The following HIVEP3 variants were observed in gnomAD, a reference collection of about 807,000 sequenced individuals.
The protein encoded by HIVEP3 is transcription factor HIVEP3.
Under a neutral mutation model 152.8 loss-of-function variants are expected in HIVEP3, and 49 were observed. The ratio of observed to expected loss-of-function variants is 0.32; its 90% CI spans 0.26 to 0.41. HIVEP3 has a LOEUF of 0.41. Ranked by LOEUF, HIVEP3 falls within the 10% of genes least tolerant of loss-of-function variation. The pLI is 1.00. For synonymous variants in HIVEP3, 1,269 were observed against 1,289.0 expected (o/e 0.98, Z 0.33); for missense variants, 2,790 against 3,103.3 (o/e 0.90, Z 2.40).
intron 1 of HIVEP3, among the ~76,000 whole-genome samples, chr1:41,799,776 AT>A (rs1386018672): frequency 1.3e-5 from 2 of 152,090 alleles, no homozygotes; most frequent in Non-Finnish European, 2.9e-5. Flanking sequence ...CAAAAAATGC[AT>A]GTTAAAAATG....
intron 1 of HIVEP3, among the ~76,000 whole-genome samples, chr1:42,002,176 C>T (rs1032095594): frequency 2.0e-5 from 3 of 152,152 alleles, no homozygotes; most frequent in East Asian, 1.9e-4. Flanking sequence ...GACAATGACT[C>T]GCTGACGCAG....
chr1:41,977,034 T>C (rs1359309223), intron 1 of HIVEP3, among the ~76,000 whole-genome samples: 1 of 152,076 alleles, frequency 6.6e-6, no homozygotes, highest in Non-Finnish European at 1.5e-5. Context: ...ACTCAACATA[T>C]CTCTAATGTT....
chr1:41,516,771 T>G (rs1329704261), intron 7 of HIVEP3, among the ~76,000 whole-genome samples: 1 of 152,214 alleles, frequency 6.6e-6, no homozygotes. Context: ...CTGCTCCCTC[T>G]GCAGGAGAGC....
At position 41,817,427 on chromosome 1, in the gene HIVEP3, G is replaced by A. The variant is rs533416110; in HGVS notation, c.-801+100986C>T. 3.3e-5 allele frequency among the ~76,000 whole-genome samples: 5 copies of A among 152,308 alleles called. No homozygotes were observed. The South Asian group carries it at 8.3e-4, about 25-fold the overall frequency. On this transcript the variant is annotated intron_variant, in intron 1 of 8. Transcript: ENST00000372583. ...GGGGCAGGACATGGCAGAAAACGGG[G>A]TGGAAGTGAGCCAGAGGTGAATTAC...
At position 41,512,882 on chromosome 1, in the gene HIVEP3, G is replaced by A; in HGVS notation, c.6339C>T (p.Leu2113=). Reference sequence around the variant, plus strand: ...TGTGAGGTAGAGGCGCGGGCGGGAAGAGAACCCGTGGGTCCAGCCCCAAGC... The same window carrying A: ...TGTGAGGTAGAGGCGCGGGCGGGAAAAGAACCCGTGGGTCCAGCCCCAAGC... ...GPGLGLDPRV[L]FPPAPLPHKL... The change falls in exon 8 of 9, where the codon CTC becomes CTT. Residue 2113 remains leucine (L), a synonymous_variant. Coordinates refer to ENST00000372583, the MANE Select transcript of HIVEP3 (RefSeq NM_024503.5). The A allele has an allele frequency of 1.9e-6, 3 of 1,562,272 alleles. No homozygotes were observed. Among genetic ancestry groups the A allele is most frequent in the Non-Finnish European group, 2.6e-6 (3 of 1,151,248 alleles).
In HIVEP3 at chr1:41,631,464, G is replaced by A. The variant is rs148080648; in HGVS notation, c.-720-2517C>T. Among the ~76,000 whole-genome samples the A allele has an allele frequency of 1.1e-3, 163 of 152,186 alleles. 1 individual carries two copies. Among genetic ancestry groups the A allele is most frequent in the African/African-American group, 3.3e-3 (135 of 41,508 alleles). On this transcript the variant is annotated intron_variant, in intron 2 of 8. Coordinates refer to ENST00000372583, the MANE Select transcript of HIVEP3 (RefSeq NM_024503.5). The stretch of plus-strand genomic sequence containing the variant: ...CAATAATCTGGGTCTGGAGTAACCC[G>A]CACACAGGCCTGGGGCACTGTTACC...
intron 1 of HIVEP3, among the ~76,000 whole-genome samples, chr1:41,862,900 G>C (rs1643905510): frequency 6.6e-6 from 1 of 152,208 alleles, no homozygotes; most frequent in Non-Finnish European, 1.5e-5. Flanking sequence ...TTCCCTTTCA[G>C]ATGGTAACCC....
chr1:42,035,643 C>T (rs943845426), intron 1 of HIVEP3, among the ~76,000 whole-genome samples: 5 of 151,870 alleles, frequency 3.3e-5, no homozygotes, highest in African/African-American at 1.2e-4. Flanking sequence ...GGCCGGCGCC[C>T]GGAGGCGTTG....
intron 2 of HIVEP3, among the ~76,000 whole-genome samples, chr1:41,644,969 G>A (rs574595909): frequency 1.3e-5 from 2 of 152,250 alleles, no homozygotes; most frequent in African/African-American, 2.4e-5. Flanking sequence ...CTTCATGCAT[G>A]CAGAAACACT....
chr1:41,779,873 C>T (rs1371331667), intron 1 of HIVEP3, among the ~76,000 whole-genome samples: 1 of 152,188 alleles, frequency 6.6e-6, no homozygotes. Flanking sequence ...AGGGCACAGG[C>T]TTTGGGGTCA....
Position 41,521,218 on chromosome 1 carries a change from C to T in HIVEP3, c.5384-2730G>A, listed in dbSNP as rs574482973. On this transcript the variant is annotated intron_variant, in intron 6 of 8. Coordinates refer to ENST00000372583, the MANE Select transcript of HIVEP3 (RefSeq NM_024503.5). Reference sequence around the variant, plus strand: ...ACAAGTAGAGTGGCAGCAGAGTGTGCCTGGCAGAGAACAGACCCCTGTCCC... The same window carrying T: ...ACAAGTAGAGTGGCAGCAGAGTGTGTCTGGCAGAGAACAGACCCCTGTCCC... 1.2e-4 allele frequency among the ~76,000 whole-genome samples: 18 copies of T among 152,310 alleles called. No homozygotes were observed. The East Asian group carries it at 3.1e-3, about 26-fold the overall frequency.
chr1:41,510,090 C>T lies in HIVEP3; in HGVS notation c.*361G>A, dbSNP rs923803094. 1.5e-5 allele frequency: 3 copies of T among 199,150 alleles called. No homozygotes were observed. Among genetic ancestry groups the T allele is most frequent in the Non-Finnish European group, 3.0e-5 (3 of 100,138 alleles). 12.3% of individuals were successfully genotyped at this position (199,150 alleles called of 1,614,324 possible). A position where few individuals can be genotyped will look rare whatever the true frequency, so the allele number is the denominator to read the frequency against. ...TCCTTTTCCTTTCTCCCTCAGTGTA[C>T]CCCTTTCCCTCTGCCAGCCTCTGGG... On this transcript the variant is annotated 3_prime_UTR_variant, in exon 9 of 9. Coordinates refer to ENST00000372583, the MANE Select transcript of HIVEP3 (RefSeq NM_024503.5).
At chr1:41,816,836 T>C (rs921030438) in intron 1 of HIVEP3, among the ~76,000 whole-genome samples, 11 of 152,236 alleles carry the variant, frequency 7.2e-5, no homozygotes, top group Non-Finnish European at 1.6e-4. Context: ...TTGCTTCATC[T>C]TGCCATGCTC....
At chr1:41,562,531 TC>T (rs748677723) in intron 5 of HIVEP3, among the ~76,000 whole-genome samples, 5 of 83,630 alleles carry the variant, frequency 6.0e-5, no homozygotes, top group Non-Finnish European at 1.2e-4. Context: ...TCCCTTCCCT[TC>T]CCTTCCTTCC....
At chr1:42,026,047 C>T (rs1483395378) in intron 1 of HIVEP3, among the ~76,000 whole-genome samples, 1 of 150,932 alleles carries the variant, frequency 6.6e-6, no homozygotes, top group Non-Finnish European at 1.5e-5. Flanking sequence ...GCAGCCTGGG[C>T]GACAGAGCAA....
At chr1:41,702,760 T>C (rs1646381815) in intron 1 of HIVEP3, among the ~76,000 whole-genome samples, 1 of 152,218 alleles carries the variant, frequency 6.6e-6, no homozygotes, top group Non-Finnish European at 1.5e-5. Context: ...CAGATATTAA[T>C]AAATGATTGC....
chr1:41,929,929 A>G (rs1228241977), intron 1 of HIVEP3, among the ~76,000 whole-genome samples: 1 of 151,858 alleles, frequency 6.6e-6, no homozygotes, highest in Middle Eastern at 3.2e-3. Context: ...TAGTTTTAGA[A>G]TGGTTAACAC....
chr1:41,884,402 G>A (rs1399841448), intron 1 of HIVEP3, among the ~76,000 whole-genome samples: 1 of 152,198 alleles, frequency 6.6e-6, no homozygotes, highest in Non-Finnish European at 1.5e-5. Flanking sequence ...CTGCCACCTG[G>A]GAGGATGGGC....
At chr1:41,527,668 T>G (rs1569749106) in intron 5 of HIVEP3, among the ~76,000 whole-genome samples, 1 of 73,266 alleles carries the variant, frequency 1.4e-5, no homozygotes, top group Non-Finnish European at 2.8e-5. Flanking sequence ...TTCTCACACA[T>G]TCACACATCC....
Sources: allele counts gnomAD v4.1 joint callset (sites outside exome capture counted in the v4.1 genomes callset), GRCh38; gene constraint gnomAD v4.1.1; transcripts MANE v1.5; gene names NCBI Gene and HGNC (gene_info 2026-07-23, HGNC 2026-07-21).